The following MED9 variants were observed in gnomAD, a reference collection of about 807,000 sequenced individuals.
MED9 encodes the protein mediator complex subunit 9.
Under a neutral mutation model 13.2 loss-of-function variants are expected in MED9, and 8 were observed. The observed-to-expected ratio is 0.61, with a 90% CI of 0.36 to 1.10. The LOEUF (loss-of-function observed/expected upper bound fraction) is 1.10. Ranked by LOEUF, MED9 falls within the 50% of genes least tolerant of loss-of-function variation. MED9 has a pLI of 0.02. For synonymous variants in MED9, 87 were observed against 82.8 expected (o/e 1.05, Z -0.28); for missense variants, 180 against 193.4 (o/e 0.93, Z 0.41).
intron 1 of MED9, chr17:17,485,247 G>A (rs748630262): frequency 5.8e-5 from 23 of 396,676 alleles, no homozygotes; most frequent in East Asian, 2.5e-4. Flanking sequence ...ACAGGCACAC[G>A]CCACCACGCC....
intron 1 of MED9, chr17:17,485,474 G>T: frequency 2.6e-6 from 1 of 387,372 alleles, no homozygotes; most frequent in East Asian, 3.6e-5. Context: ...GGAGGACCTG[G>T]GTCCACAGGA....
In MED9 at chr17:17,483,741, A is replaced by G. The variant is rs990917254; in HGVS notation, c.224+6476A>G. Among the ~76,000 whole-genome samples the G allele has an allele frequency of 3.9e-5, 6 of 152,196 alleles. No individual in the cohort carries two copies. The highest frequency in any genetic ancestry group is 1.4e-4 in the African/African-American group (6 of 41,448). ...ATCACGAGGTCAGGAGATCGAGACC[A>G]TCCTGGCCAACACGGTGAAACCCTG... On this transcript the variant is annotated intron_variant, in intron 1 of 1. Transcript: ENST00000268711. The surrounding 1 kb of genome is among the most constrained non-coding windows in gnomAD (Gnocchi z 4.2).
chr17:17,479,014 T>G (rs1904979632), intron 1 of MED9, among the ~76,000 whole-genome samples: 1 of 152,220 alleles, frequency 6.6e-6, no homozygotes. Flanking sequence ...CCTAGTTTAC[T>G]GGTTTTAAGA....
Position 17,491,489 on chromosome 17 carries a change from GGAGTA to G in MED9, c.440_*3del. 2.5e-6 allele frequency: 4 copies of G among 1,610,954 alleles called. No individual in the cohort carries two copies. Among genetic ancestry groups the G allele is most frequent in the Non-Finnish European group, 3.4e-6 (4 of 1,177,312 alleles). On this transcript the variant is annotated frameshift_variant and stop_lost, in exon 2 of 2. Transcript: ENST00000268711. LOFTEE classifies it high-confidence loss of function. ...GCCTCTGCATGTTCGAAATCCCCAA[GGAGTA>G]GAGTGAGGCTGACTTCCTTAGAAAG...
At chr17:17,484,146 G>T (rs999313781) in intron 1 of MED9, among the ~76,000 whole-genome samples, 1 of 152,182 alleles carries the variant, frequency 6.6e-6, no homozygotes, top group Non-Finnish European at 1.5e-5. Flanking sequence ...TCTGAGTTTG[G>T]AATGAAGTAG....
chr17:17,477,450 A>G (rs1904943894), intron 1 of MED9, 185 bp downstream of exon 1: 1 of 626,064 alleles, frequency 1.6e-6, no homozygotes, highest in African/African-American at 1.9e-5. Flanking sequence ...TAAGCAAACG[A>G]TTTGAGCCTC....
Position 17,491,259 on chromosome 17 carries a change from C to CAGCT in MED9, c.225-19_225-16dup, listed in dbSNP as rs758289108. The CAGCT allele has an allele frequency of 1.1e-4, 181 of 1,600,872 alleles. 1 individual carries two copies. Among genetic ancestry groups the CAGCT allele is most frequent in the Non-Finnish European group, 1.5e-4 (175 of 1,169,806 alleles). ...ACGTGTATCAAGCTGTGAATGCTAA[C>CAGCT]AGCTGTTCTTCCCCCACAGCATGGA... On this transcript the variant is annotated intron_variant, in intron 1 of 1. Coordinates refer to ENST00000268711, the MANE Select transcript of MED9 (RefSeq NM_018019.3).
In MED9 at chr17:17,483,851, C is replaced by T. The variant is rs7406713; in HGVS notation, c.224+6586C>T. On this transcript the variant is annotated intron_variant, in intron 1 of 1. Transcript: ENST00000268711. The surrounding 1 kb of genome is among the most constrained non-coding windows in gnomAD (Gnocchi z 4.2). ...ACTAGGGAGGCTGAGGCAGGAGAAT[C>T]GCTTGAACCCGGGAGGCGGAGGTTG... 1.5e-4 allele frequency among the ~76,000 whole-genome samples: 22 copies of T among 151,426 alleles called. No individual in the cohort carries two copies. The highest frequency in any genetic ancestry group is 2.9e-4 in the Non-Finnish European group (20 of 67,902).
intron 1 of MED9, chr17:17,485,282 T>G: frequency 2.5e-6 from 1 of 398,464 alleles, no homozygotes; most frequent in Non-Finnish European, 4.4e-6. Context: ...AAAAAAAATT[T>G]TTTTTTTGTA....
At chr17:17,482,736 A>G (rs1905052922) in intron 1 of MED9, among the ~76,000 whole-genome samples, 1 of 152,034 alleles carries the variant, frequency 6.6e-6, no homozygotes, top group African/African-American at 2.4e-5. Context: ...TAGAACTTTC[A>G]TGGTTCCATT....
In MED9 at chr17:17,491,425, A is replaced by G. The variant is rs763215151; in HGVS notation, c.371A>G (p.Gln124Arg). Residue 124 changes from glutamine to arginine, a missense_variant, in exon 2 of 2, where the codon CAA becomes CGA. By Grantham distance (43) the Gln-to-Arg change is conservative (BLOSUM62 1). Transcript: ENST00000268711. The stretch of plus-strand genomic sequence containing the variant: ...CAGCAGCTGCAGAGCCTCCGGGAGC[A>G]AGTCAGGACCAAGAATGAGCTTCTG... ...QQQQLQSLRE[Q>R]VRTKNELLQK... is the part of the protein sequence containing the mutation. 19 of 1,614,012 alleles carry G rather than the reference A, an allele frequency of 1.2e-5. No individual in the cohort carries two copies.
In MED9 at chr17:17,480,114, C is replaced by G. The variant is rs111354518; in HGVS notation, c.224+2849C>G. 5.9e-3 allele frequency among the ~76,000 whole-genome samples: 892 copies of G among 152,214 alleles called. 8 individuals are homozygous for G. Among genetic ancestry groups the G allele is most frequent in the African/African-American group, 0.021 (864 of 41,516 alleles). ...GCAGATGGTTAAAAGGTTACTCTCC[C>G]GAGATTTATTCTTAGGAAGGAATAA... On this transcript the variant is annotated intron_variant, in intron 1 of 1. Transcript: ENST00000268711.
In MED9 at chr17:17,484,634, C is replaced by T. The variant is rs75287022; in HGVS notation, c.225-6645C>T. Among the ~76,000 whole-genome samples, 274 of 152,372 alleles carry T rather than the reference C, an allele frequency of 1.8e-3. 4 individuals carry two copies. Among genetic ancestry groups the T allele is most frequent in the African/African-American group, 6.1e-3 (253 of 41,592 alleles). ...GCCGTTCACTTTCTTCTCCCTCAGC[C>T]ACACCCCAGGGAGCAGGATGAGCAG... On this transcript the variant is annotated intron_variant, in intron 1 of 1. Coordinates refer to ENST00000268711, the MANE Select transcript of MED9 (RefSeq NM_018019.3).
intron 1 of MED9, chr17:17,485,309 G>A (rs1905108688): frequency 5.0e-6 from 2 of 398,432 alleles, no homozygotes; most frequent in Non-Finnish European, 8.8e-6. Flanking sequence ...GTAGAGACGG[G>A]GCTGGCCTCA....
At position 17,492,612 on chromosome 17, in the gene MED9, C is replaced by A. The variant is rs1264185433; in HGVS notation, c.*1117C>A. On this transcript the variant is annotated 3_prime_UTR_variant, in exon 2 of 2. Coordinates refer to ENST00000268711, the MANE Select transcript of MED9 (RefSeq NM_018019.3). ...ATGGGACGTTTTATTTGTGTGCTCT[C>A]CCTTGACTGTCAGATTGAAGTAAGA... The A allele has an allele frequency of 6.6e-6, 1 of 152,260 alleles. No homozygotes were observed. Among genetic ancestry groups the A allele is most frequent in the Non-Finnish European group, 1.5e-5 (1 of 68,052 alleles). 9.4% of individuals were successfully genotyped at this position (152,260 alleles called of 1,614,324 possible). A position where few individuals can be genotyped will look rare whatever the true frequency, so the allele number is the denominator to read the frequency against.
intron 1 of MED9, among the ~76,000 whole-genome samples, chr17:17,481,900 A>C (rs1905038978): frequency 6.6e-6 from 1 of 152,224 alleles, no homozygotes; most frequent in Non-Finnish European, 1.5e-5. Context: ...ACTCTTTTCC[A>C]AAATTCAGTC....
At position 17,491,808 on chromosome 17, in the gene MED9, G is replaced by T; in HGVS notation, c.*313G>T. On this transcript the variant is annotated 3_prime_UTR_variant, in exon 2 of 2. Transcript: ENST00000268711. ...ACTCTCCCCTGCCTCTGGGGAGGGG[G>T]CCATCTGCTGCGCCCGGCCCCACTG... 5.2e-6 allele frequency: 2 copies of T among 384,290 alleles called. No homozygotes were observed. The highest frequency in any genetic ancestry group is 5.0e-6 in the Non-Finnish European group (1 of 201,998). The allele number at this position is 384,290 out of a possible 1,614,324, so 23.8% of individuals were successfully genotyped here. A position where few individuals can be genotyped will look rare whatever the true frequency, so the allele number is the denominator to read the frequency against.
chr17:17,485,211 G>A (rs1399916887), intron 1 of MED9: 1 of 387,620 alleles, frequency 2.6e-6, no homozygotes, highest in Non-Finnish European at 4.6e-6. Flanking sequence ...TGTATTTTTA[G>A]TAGAGACAGG....
intron 1 of MED9, among the ~76,000 whole-genome samples, chr17:17,484,819 C>T (rs553460089): frequency 2.0e-5 from 3 of 152,192 alleles, no homozygotes; most frequent in Non-Finnish European, 4.4e-5. Flanking sequence ...CAGGCCTTCG[C>T]GAGTCAGCAC....
Sources: allele counts gnomAD v4.1 joint callset (sites outside exome capture counted in the v4.1 genomes callset), GRCh38; gene constraint gnomAD v4.1.1; non-coding constraint Gnocchi (gnomAD v3.1); transcripts MANE v1.5; gene names NCBI Gene and HGNC (gene_info 2026-07-23, HGNC 2026-07-21).